The following BTLA variants were observed in gnomAD, a reference collection of about 807,000 sequenced individuals.
BTLA encodes B- and T-lymphocyte attenuator.
In BTLA, 11 loss-of-function variants were observed where a neutral mutation model predicts 25.0. The ratio of observed to expected loss-of-function variants is 0.44; its 90% CI spans 0.28 to 0.73. The LOEUF (loss-of-function observed/expected upper bound fraction) is 0.73, where lower values mean the gene tolerates loss of function less well. Ranked by LOEUF, BTLA falls within the 30% of genes least tolerant of loss-of-function variation. BTLA has a pLI of 0.15. For missense variants in BTLA, 282 were observed against 332.8 expected, an observed-to-expected ratio of 0.85 and a Z score of 1.19; for synonymous variants, 104 against 119.8, an observed-to-expected ratio of 0.87 and a Z score of 0.86.
At chr3:112,480,040 C>T (rs951783857) in intron 1 of BTLA, among the ~76,000 whole-genome samples, 3 of 152,216 alleles carry the variant, frequency 2.0e-5, no homozygotes, top group Non-Finnish European at 4.4e-5. Context: ...CGTATACATC[C>T]AGATGGCCTG....
chr3:112,471,442 G>T, intron 2 of BTLA, 87 bp from the exon 3 acceptor site: 1 of 1,405,024 alleles, frequency 7.1e-7, no homozygotes, highest in Non-Finnish European at 9.6e-7. Flanking sequence ...CAGAACTTGA[G>T]TGAAGGAGAT....
rs1477863433 is a variant in BTLA, at chr3:112,469,801, T to C, written c.551A>G (p.Lys184Arg). The part of the protein sequence containing the change: ...LFCCLRRHQG[K>R]QNELSDTAGR... ...TGCTGTGTCAGAGAGTTCATTTTGC[T>C]TTCCTGGAAGACAAAAAGAAAAAGA... Residue 184 changes from lysine (K) to arginine (R), a missense_variant, in exon 4 of 5, where the codon AAG (lysine) becomes AGG (arginine). Coordinates refer to ENST00000334529, the MANE Select transcript of BTLA (RefSeq NM_181780.4). 1 of 1,609,456 alleles carries C rather than the reference T, an allele frequency of 6.2e-7. No individual in the cohort carries two copies. Among genetic ancestry groups the C allele is most frequent in the East Asian group, 2.2e-5 (1 of 44,816 alleles).
At chr3:112,499,171 TC>T in intron 1 of BTLA, 99 bp downstream of exon 1, 1 of 819,650 alleles carries the variant, frequency 1.2e-6, no homozygotes, top group Non-Finnish European at 2.0e-6. Flanking sequence ...ATTACCCACT[TC>T]GTATAAACGT....
intron 2 of BTLA, among the ~76,000 whole-genome samples, chr3:112,475,662 C>T: frequency 6.6e-6 from 1 of 152,136 alleles, no homozygotes; most frequent in East Asian, 1.9e-4. Context: ...TTCATCTGAC[C>T]TTGGCTAAAT....
chr3:112,494,772 A>G (rs530459972), intron 1 of BTLA, among the ~76,000 whole-genome samples: 2 of 152,288 alleles, frequency 1.3e-5, no homozygotes, highest in African/African-American at 4.8e-5. Flanking sequence ...GGGAGAGGAG[A>G]GGGAACTTAG....
intron 1 of BTLA, among the ~76,000 whole-genome samples, chr3:112,483,519 T>C (rs962534000): frequency 4.6e-5 from 7 of 152,174 alleles, no homozygotes; most frequent in African/African-American, 1.4e-4. Flanking sequence ...TCTTTCAGTT[T>C]ACTGAGCTGA....
intron 1 of BTLA, among the ~76,000 whole-genome samples, chr3:112,491,899 TAGAG>T (rs1559830466): frequency 6.6e-6 from 1 of 152,274 alleles, no homozygotes; most frequent in South Asian, 2.1e-4. Context: ...ATCTATATAA[TAGAG>T]AGAAGAAAGG....
chr3:112,467,510 G>T (rs998242612), intron 4 of BTLA, among the ~76,000 whole-genome samples: 1 of 152,124 alleles, frequency 6.6e-6, no homozygotes, highest in Admixed American at 6.5e-5. Flanking sequence ...CTCCTTTAAG[G>T]TATCAAGTCC....
intron 1 of BTLA, among the ~76,000 whole-genome samples, chr3:112,496,473 A>G (rs1180976287): frequency 6.6e-6 from 1 of 152,220 alleles, no homozygotes; most frequent in African/African-American, 2.4e-5. Context: ...AGGAACAAGG[A>G]CACGGATCTC....
chr3:112,475,690 G>A (rs1336337847), intron 2 of BTLA, among the ~76,000 whole-genome samples: 3 of 152,126 alleles, frequency 2.0e-5, no homozygotes, highest in Non-Finnish European at 4.4e-5. Flanking sequence ...TCGTATAGAA[G>A]TAGATTAGTT....
intron 1 of BTLA, among the ~76,000 whole-genome samples, chr3:112,484,731 G>T (rs954094669): frequency 2.6e-5 from 4 of 152,310 alleles, no homozygotes; most frequent in South Asian, 4.2e-4. Context: ...TAGGGGTGGA[G>T]AAAAGAGCTA....
intron 1 of BTLA, among the ~76,000 whole-genome samples, chr3:112,486,724 A>G (rs1269403626): frequency 1.3e-5 from 2 of 152,226 alleles, no homozygotes; most frequent in Admixed American, 6.5e-5. Flanking sequence ...AAAAATTTCA[A>G]TTGTAAAAAT....
At chr3:112,489,893 A>T (rs1200118618) in intron 1 of BTLA, among the ~76,000 whole-genome samples, 1 of 152,200 alleles carries the variant, frequency 6.6e-6, no homozygotes, top group Non-Finnish European at 1.5e-5. Flanking sequence ...GAAGGGAAAT[A>T]ATCTGTCTCT....
intron 2 of BTLA, 66 bp from the exon 3 acceptor site, chr3:112,471,421 C>T (rs1167212402): frequency 2.6e-6 from 4 of 1,517,274 alleles, no homozygotes; most frequent in Non-Finnish European, 2.7e-6. Flanking sequence ...AGCGGCACCC[C>T]TCTGCATTGT....
intron 4 of BTLA, 137 bp from the exon 5 acceptor site, chr3:112,466,520 G>A (rs1171510941): frequency 8.4e-6 from 6 of 714,602 alleles, no homozygotes; most frequent in Non-Finnish European, 1.2e-5. Context: ...CACATACTCT[G>A]CTGACATCTA....
intron 1 of BTLA, among the ~76,000 whole-genome samples, chr3:112,494,205 A>C (rs1320428892): frequency 2.0e-5 from 3 of 152,220 alleles, no homozygotes; most frequent in Non-Finnish European, 4.4e-5. Flanking sequence ...AACCACAAGG[A>C]GATAACATCT....
intron 1 of BTLA, among the ~76,000 whole-genome samples, chr3:112,485,894 C>T (rs2082344488): frequency 6.6e-6 from 1 of 152,174 alleles, no homozygotes; most frequent in Non-Finnish European, 1.5e-5. Flanking sequence ...GAGTGGATCA[C>T]GAGGTCAGGA....
At chr3:112,496,103 G>T (rs1350716870) in intron 1 of BTLA, among the ~76,000 whole-genome samples, 1 of 152,116 alleles carries the variant, frequency 6.6e-6, no homozygotes, top group Non-Finnish European at 1.5e-5. Context: ...GACATTAACT[G>T]CAGTGTTCCT....
Position 112,473,602 on chromosome 3 carries a change from T to TTTC in BTLA, c.404-2250_404-2248dup, listed in dbSNP as rs1042195748. Among the ~76,000 whole-genome samples, 26 of 149,566 alleles carry TTTC rather than the reference T, an allele frequency of 1.7e-4. No individual in the cohort carries two copies. In the East Asian group the frequency reaches 2.4e-3, roughly 14 times the overall value. ...GATCACATTTTGGGGAAGTTCTTTT[T>TTTC]TTCTTCTTCTTTTTTTTTTTTTTTT... On this transcript the variant is annotated intron_variant, in intron 2 of 4. Transcript: ENST00000334529.
Sources: gnomAD v4.1 joint callset for allele counts (sites outside exome capture counted in the v4.1 genomes callset) on GRCh38, gnomAD v4.1.1 for gene constraint, MANE v1.5 for transcripts, NCBI Gene and HGNC (gene_info 2026-07-23, HGNC 2026-07-21) for gene names.